Variants in MICOS10 observed in about 807,000 individuals in gnomAD.
MICOS10 encodes mitochondrial contact site and cristae organizing system subunit 10, also known as MICOS complex subunit MIC10.
Under a neutral mutation model 13.4 loss-of-function variants are expected in MICOS10, and 5 were observed. The ratio of observed to expected loss-of-function variants is 0.37; its 90% CI spans 0.20 to 0.78. The LOEUF is 0.78. Ranked by LOEUF, MICOS10 falls within the 30% of genes least tolerant of loss-of-function variation. The probability of loss-of-function intolerance (pLI) is 0.47; values close to 1 mark genes in which losing one functional copy is unlikely to be tolerated. For missense variants in MICOS10, 101 were observed against 94.6 expected (o/e 1.07, Z -0.28); for synonymous variants, 35 against 33.6 (o/e 1.04, Z -0.15).
chr1:19,620,566 A>G (rs919165562), intron 1 of MICOS10, among the ~76,000 whole-genome samples: 6 of 152,240 alleles, frequency 3.9e-5, no homozygotes, highest in African/African-American at 1.4e-4. Context: ...GCCCAGTTGA[A>G]CTAAGACCAT....
At position 19,613,445 on chromosome 1, in the gene MICOS10, C is replaced by G. The variant is rs577071091; in HGVS notation, c.65-8655C>G. Among the ~76,000 whole-genome samples the G allele has an allele frequency of 5.9e-5, 9 of 152,324 alleles. No individual in the cohort carries two copies. The East Asian group carries it at 1.7e-3, about 29-fold the overall frequency. The stretch of plus-strand genomic sequence containing the variant: ...TACCTTACACTTGATAATTTGGCAG[C>G]AAGGAGCTTGCTGTAGCTCCTATCT... On this transcript the variant is annotated intron_variant, in intron 1 of 3. Transcript: ENST00000322753.
chr1:19,620,438 T>C (rs1416565253), intron 1 of MICOS10, among the ~76,000 whole-genome samples: 4 of 152,242 alleles, frequency 2.6e-5, no homozygotes, highest in Non-Finnish European at 4.4e-5. Flanking sequence ...AGTAAAACAT[T>C]GCAATTAAAA....
At chr1:19,601,576 C>CA (rs1264446193) in intron 1 of MICOS10, among the ~76,000 whole-genome samples, 11,599 of 91,076 alleles carry the variant, frequency 0.13, 536 homozygotes, top group African/African-American at 0.18. Context: ...GACCCTTTCT[C>CA]AAAAAAAAAA....
chr1:19,601,860 GCTTT>G (rs2094816510), intron 1 of MICOS10, among the ~76,000 whole-genome samples: 1 of 151,958 alleles, frequency 6.6e-6, no homozygotes, highest in African/African-American at 2.4e-5. Context: ...AGCCCTTGTT[GCTTT>G]CTTTTTCTTT....
At chr1:19,609,801 ATGAAGT>A (rs1313072808) in intron 1 of MICOS10, among the ~76,000 whole-genome samples, 1 of 152,186 alleles carries the variant, frequency 6.6e-6, no homozygotes, top group African/African-American at 2.4e-5. Context: ...AACCAATCTA[ATGAAGT>A]TGAAGGAAAG....
At chr1:19,623,138 G>A (rs2094910113) in intron 2 of MICOS10, among the ~76,000 whole-genome samples, 1 of 151,934 alleles carries the variant, frequency 6.6e-6, no homozygotes, top group East Asian at 1.9e-4. Context: ...GGCTAAGATG[G>A]TCTCGATCTC....
intron 1 of MICOS10, chr1:19,608,130 G>A (rs779747951): frequency 1.7e-6 from 2 of 1,144,920 alleles, no homozygotes; most frequent in Non-Finnish European, 2.7e-6. Flanking sequence ...CCTGGAAAGG[G>A]GAAGGAAAAG....
At chr1:19,619,682 T>C (rs1223917314) in intron 1 of MICOS10, among the ~76,000 whole-genome samples, 1 of 152,254 alleles carries the variant, frequency 6.6e-6, no homozygotes, top group Non-Finnish European at 1.5e-5. Context: ...TGCTCCTTCT[T>C]AGAAATGTGT....
At chr1:19,597,196 C>A in intron 1 of MICOS10, 87 bp downstream of exon 1, 1 of 1,406,898 alleles carries the variant, frequency 7.1e-7, no homozygotes, top group Non-Finnish European at 9.7e-7. Context: ...AAGGGAAGCC[C>A]CACGGGAGGT....
chr1:19,602,357 A>G (rs750127048), intron 1 of MICOS10, among the ~76,000 whole-genome samples: 5 of 152,216 alleles, frequency 3.3e-5, no homozygotes, highest in South Asian at 2.1e-4. Context: ...ATGTTTGATC[A>G]TGTATCCTTG....
intron 1 of MICOS10, among the ~76,000 whole-genome samples, chr1:19,603,903 T>C (rs932211665): frequency 3.3e-5 from 5 of 152,164 alleles, no homozygotes; most frequent in African/African-American, 9.7e-5. Context: ...TGGAAAAGAC[T>C]GTCCTGGCAA....
intron 1 of MICOS10, 73 bp downstream of exon 1, chr1:19,597,182 A>C (rs1231042678): frequency 6.7e-7 from 1 of 1,484,908 alleles, no homozygotes; most frequent in Non-Finnish European, 9.2e-7. Context: ...GCCCAGGAGG[A>C]AGGAAGGGAA....
At chr1:19,616,614 A>G (rs572716731) in intron 1 of MICOS10, among the ~76,000 whole-genome samples, 8 of 152,304 alleles carry the variant, frequency 5.3e-5, no homozygotes, top group African/African-American at 1.9e-4. Context: ...TAACATAGTC[A>G]TAAATTAACC....
At chr1:19,597,132 AG>A (rs1558334394) in intron 1 of MICOS10, 23 bp downstream of exon 1, 1 of 1,597,864 alleles carries the variant, frequency 6.3e-7, no homozygotes, top group Admixed American at 1.7e-5. Context: ...TCGCCCCAGC[AG>A]GCCCGGCCGG....
intron 1 of MICOS10, chr1:19,608,309 C>G (rs772165057): frequency 5.3e-6 from 7 of 1,324,432 alleles, no homozygotes; most frequent in Non-Finnish European, 6.6e-6. Context: ...GAAGGCAGAC[C>G]GAGATGAATC....
At chr1:19,605,653 G>T (rs1448443766) in intron 1 of MICOS10, among the ~76,000 whole-genome samples, 1 of 152,042 alleles carries the variant, frequency 6.6e-6, no homozygotes, top group Admixed American at 6.6e-5. Context: ...TTATCCATTT[G>T]TCAGTTGGTG....
intron 1 of MICOS10, among the ~76,000 whole-genome samples, chr1:19,599,084 C>G (rs1316926151): frequency 1.3e-5 from 2 of 151,940 alleles, no homozygotes; most frequent in Non-Finnish European, 2.9e-5. Context: ...GAAATAGGGT[C>G]TCGCTCTGTC....
chr1:19,609,958 A>G (rs768273647), intron 1 of MICOS10, among the ~76,000 whole-genome samples: 14 of 152,172 alleles, frequency 9.2e-5, no homozygotes, highest in Non-Finnish European at 1.9e-4. Flanking sequence ...CCTGGCCAAC[A>G]TGGGGAAACC....
intron 1 of MICOS10, among the ~76,000 whole-genome samples, chr1:19,609,694 T>C (rs1040790225): frequency 2.6e-5 from 4 of 152,350 alleles, no homozygotes; most frequent in South Asian, 2.1e-4. Context: ...TGAATACATT[T>C]CAGAATCATT....
Sources: allele counts gnomAD v4.1 joint callset (sites outside exome capture counted in the v4.1 genomes callset), GRCh38; gene constraint gnomAD v4.1.1; transcripts MANE v1.5; gene names NCBI Gene and HGNC (gene_info 2026-07-23, HGNC 2026-07-21).